KRTAP4-9: variants seen among roughly 807,000 people sequenced by gnomAD.
The protein encoded by KRTAP4-9 is keratin-associated protein 4-9.
A neutral mutation model predicts 4.3 loss-of-function variants in KRTAP4-9; 4 were observed. The ratio of observed to expected loss-of-function variants is 0.94; its 90% CI spans 0.46 to 2.15. The LOEUF is 2.15. Ranked by LOEUF, KRTAP4-9 falls within the 30% of genes most tolerant of loss-of-function variation. The probability of loss-of-function intolerance (pLI) is 0.02; values close to 1 mark genes in which losing one functional copy is unlikely to be tolerated. For synonymous variants in KRTAP4-9, 111 were observed against 99.2 expected (o/e 1.12, Z -0.70); for missense variants, 297 against 278.5 (o/e 1.07, Z -0.47).
chr17:41,105,633 C>T (rs2014071717), exon 1 of KRTAP4-9: 2 of 1,601,374 alleles, frequency 1.2e-6, no homozygotes, highest in African/African-American at 1.4e-5. Context: ...TGCTACCGCC[C>T]CAGCTGTTGT....
exon 1 of KRTAP4-9, chr17:41,105,713 T>C: frequency 1.3e-6 from 2 of 1,573,116 alleles, no homozygotes; most frequent in Non-Finnish European, 1.7e-6. Flanking sequence ...TCGCCCCAGC[T>C]GCTGTGAGAC....
exon 1 of KRTAP4-9, chr17:41,106,173 C>T (rs1047379795): frequency 2.0e-5 from 26 of 1,311,092 alleles, no homozygotes; most frequent in Non-Finnish European, 2.7e-5. Flanking sequence ...ATTTCACTGA[C>T]TCTTTGAGAA....
exon 1 of KRTAP4-9, chr17:41,105,458 T>A (rs2014065127): frequency 1.2e-6 from 2 of 1,611,090 alleles, no homozygotes; most frequent in Non-Finnish European, 1.7e-6. Context: ...TCAGGAGACC[T>A]GCTGCCGCCC....
Position 41,105,541 on chromosome 17 carries a change from G to A in KRTAP4-9, c.153G>A (p.Arg51=), listed in dbSNP as rs753661561. The A allele has an allele frequency of 1.4e-3, 2,218 of 1,560,110 alleles. 63 individuals carry two copies. In the African/African-American group the frequency reaches 0.029, roughly 20 times the overall value. The change falls in exon 1 of 1, where the codon AGG becomes AGA. Residue 51 remains arginine (R), a synonymous_variant. Transcript: ENST00000391415. ...GCTGTTGTGTATCCAGCTGCTGCAGGCCCCAGTGCTGCCAGTCTGTGTGCT... is the reference window on the plus strand; with the variant it reads ...GCTGTTGTGTATCCAGCTGCTGCAGACCCCAGTGCTGCCAGTCTGTGTGCT...
exon 1 of KRTAP4-9, chr17:41,105,510 G>C: frequency 6.4e-7 from 1 of 1,563,498 alleles, no homozygotes. Context: ...ACCTGCTGCC[G>C]CCCCAGCTGT....
exon 1 of KRTAP4-9, chr17:41,106,175 C>T: frequency 2.3e-6 from 3 of 1,300,344 alleles, no homozygotes; most frequent in African/African-American, 1.5e-5. Context: ...TTCACTGACT[C>T]TTTGAGAACA....
At chr17:41,106,038 T>C (rs549729056) in exon 1 of KRTAP4-9, 75 of 1,562,080 alleles carry the variant, frequency 4.8e-5, no homozygotes, top group South Asian at 2.6e-4. Flanking sequence ...TGCCCTGGCT[T>C]ATCTCCCCCT....
At position 41,105,464 on chromosome 17, in the gene KRTAP4-9, C is replaced by A. The variant is rs372619101; in HGVS notation, c.76C>A (p.Arg26Ser). 1.3e-5 allele frequency: 21 copies of A among 1,603,080 alleles called. No individual in the cohort carries two copies. In the Admixed American group the frequency reaches 2.5e-4, roughly 19 times the overall value. The change falls in exon 1 of 1, where the codon CGC becomes AGC. Residue 26 changes from arginine to serine, a missense_variant. Coordinates refer to ENST00000391415, the Ensembl canonical transcript of KRTAP4-9. ...AGACCTCTGTCAGGAGACCTGCTGC[C>A]GCCCCAGCTGCTGTGAGACCACCTG...
chr17:41,105,692 C>T (rs768554944), exon 1 of KRTAP4-9: 19 of 1,570,690 alleles, frequency 1.2e-5, no homozygotes, highest in Non-Finnish European at 1.6e-5. Flanking sequence ...GTGCTGCCAA[C>T]CCACTTGCTG....
chr17:41,106,361 G>C, exon 1 of KRTAP4-9: 1 of 400,356 alleles, frequency 2.5e-6, no homozygotes, highest in Non-Finnish European at 4.5e-6. Flanking sequence ...TTATCTGCAG[G>C]ACCAGTTTTG....
At chr17:41,105,440 G>C (rs746256593) in exon 1 of KRTAP4-9, 1 of 1,613,292 alleles carries the variant, frequency 6.2e-7, no homozygotes, top group African/African-American at 1.3e-5. Context: ...CTGCGGCCAA[G>C]ACCTCTGTCA....
exon 1 of KRTAP4-9, chr17:41,106,178 T>C: frequency 7.7e-7 from 1 of 1,294,738 alleles, no homozygotes; most frequent in South Asian, 1.6e-5. Flanking sequence ...ACTGACTCTT[T>C]GAGAACATTC....
exon 1 of KRTAP4-9, chr17:41,106,380 G>A (rs6503597): frequency 0.051 from 18,082 of 356,464 alleles, 1,180 homozygotes; most frequent in East Asian, 0.17. Flanking sequence ...TGTCACTGAG[G>A]TTGCACCCTC....
exon 1 of KRTAP4-9, chr17:41,105,965 A>T (rs781018136): frequency 6.2e-7 from 1 of 1,602,328 alleles, no homozygotes; most frequent in Non-Finnish European, 8.5e-7. Flanking sequence ...CTATCGCCCA[A>T]CCTGTGTCAT....
chr17:41,105,876 C>T, exon 1 of KRTAP4-9: 1 of 1,517,746 alleles, frequency 6.6e-7, no homozygotes, highest in Non-Finnish European at 8.7e-7. Context: ...TGCCGCCCCT[C>T]TTGCTGTGAA....
At chr17:41,106,056 T>C in exon 1 of KRTAP4-9, 1 of 1,544,186 alleles carries the variant, frequency 6.5e-7, no homozygotes, top group Non-Finnish European at 8.7e-7. Flanking sequence ...CCTTCACCAC[T>C]GGCCCACAGA....
chr17:41,106,059 C>T (rs770456994), exon 1 of KRTAP4-9: 8 of 1,541,018 alleles, frequency 5.2e-6, no homozygotes, highest in Admixed American at 2.0e-5. Context: ...TCACCACTGG[C>T]CCACAGATGT....
At position 41,105,516 on chromosome 17, in the gene KRTAP4-9, G is replaced by C. The variant is rs772778236; in HGVS notation, c.128G>C (p.Ser43Thr). 1.0e-5 allele frequency: 16 copies of C among 1,563,844 alleles called. No individual in the cohort carries two copies. The East Asian group carries it at 4.2e-4, about 41-fold the overall frequency. ...TGCAGGACCACCTGCTGCCGCCCCA[G>C]CTGTTGTGTATCCAGCTGCTGCAGG... Residue 43 changes from serine to threonine, a missense_variant, in exon 1 of 1, where the codon AGC (serine) becomes ACC (threonine). Coordinates refer to ENST00000391415, the Ensembl canonical transcript of KRTAP4-9.
At chr17:41,106,075 C>G (rs1249458639) in exon 1 of KRTAP4-9, 19 of 1,523,156 alleles carry the variant, frequency 1.2e-5, no homozygotes, top group Non-Finnish European at 1.6e-5. Context: ...GATGTAGACC[C>G]TTCTACTGTG....
Sources: allele counts gnomAD v4.1 joint callset, GRCh38; gene constraint gnomAD v4.1.1; transcripts MANE v1.5; gene names NCBI Gene and HGNC (gene_info 2026-07-23, HGNC 2026-07-21).